The following SLC36A4 variants were observed in gnomAD, a reference collection of about 807,000 sequenced individuals.
SLC36A4 encodes solute carrier family 36 member 4, also known as neutral amino acid uniporter 4.
SLC36A4 carries 49 observed loss-of-function variants against 50.5 expected under a neutral mutation model. The ratio of observed to expected loss-of-function variants is 0.97; its 90% confidence interval spans 0.77 to 1.23. The LOEUF (loss-of-function observed/expected upper bound fraction) is 1.23. Ranked by LOEUF, SLC36A4 falls within the 50% of genes most tolerant of loss-of-function variation. The pLI is 0.00. For synonymous variants in SLC36A4, 207 were observed against 206.5 expected (o/e 1.00, Z -0.02); for missense variants, 611 against 608.4 (o/e 1.00, Z -0.05).
chr11:93,165,541 T>C (rs776362423), intron 8 of SLC36A4, among the ~76,000 whole-genome samples: 2 of 152,144 alleles, frequency 1.3e-5, no homozygotes, highest in Non-Finnish European at 2.9e-5. Flanking sequence ...ATGTGGGATA[T>C]AGATTTTTTT....
chr11:93,196,776 C>A (rs1307523284), intron 1 of SLC36A4, among the ~76,000 whole-genome samples: 1 of 152,174 alleles, frequency 6.6e-6, no homozygotes, highest in Non-Finnish European at 1.5e-5. Context: ...ATGAATGAAA[C>A]CTGAGTTCAC....
At chr11:93,154,391 C>A in intron 9 of SLC36A4, 114 bp from the exon 10 acceptor site, 1 of 462,894 alleles carries the variant, frequency 2.2e-6, no homozygotes, top group African/African-American at 2.0e-5. Context: ...AGGCCAGAAC[C>A]TTACTAACTA....
At chr11:93,193,598 G>A (rs1445311311) in intron 1 of SLC36A4, among the ~76,000 whole-genome samples, 1 of 152,108 alleles carries the variant, frequency 6.6e-6, no homozygotes, top group Non-Finnish European at 1.5e-5. Flanking sequence ...TATATCTGAT[G>A]TTAGGTGTAT....
chr11:93,192,369 G>A (rs918466503), intron 1 of SLC36A4, among the ~76,000 whole-genome samples: 9 of 152,156 alleles, frequency 5.9e-5, no homozygotes, highest in African/African-American at 2.2e-4. Flanking sequence ...TAGCCAGAGA[G>A]GAATGAGTGC....
intron 6 of SLC36A4, chr11:93,171,593 A>T (rs1357201220): frequency 6.6e-6 from 1 of 152,120 alleles, no homozygotes; most frequent in African/African-American, 2.4e-5. Flanking sequence ...ATATAAAATT[A>T]TAAGGCATTA....
At chr11:93,178,251 G>C (rs1004874185) in intron 6 of SLC36A4, among the ~76,000 whole-genome samples, 12 of 152,144 alleles carry the variant, frequency 7.9e-5, no homozygotes, top group Admixed American at 6.5e-4. Context: ...TTGGAAAAGC[G>C]CATTATTAGG....
Position 93,154,096 on chromosome 11 carries a change from A to G in SLC36A4, c.1207+12T>C, listed in dbSNP as rs191011114. On this transcript the variant is annotated intron_variant, in intron 10 of 10. Transcript: ENST00000326402. ...AAAAATTATTATGATATAAATATAT[A>G]ATGATACTTACAAGTAATACTAACC... 324 of 1,286,214 alleles carry G rather than the reference A, an allele frequency of 2.5e-4. 1 individual carries two copies. In the African/African-American group the frequency reaches 4.5e-3, roughly 18 times the overall value. 79.7% of individuals were successfully genotyped at this position (1,286,214 alleles called of 1,614,324 possible). A position where few individuals can be genotyped will look rare whatever the true frequency, so the allele number is the denominator to read the frequency against.
At chr11:93,164,433 C>T (rs1166996037) in intron 8 of SLC36A4, among the ~76,000 whole-genome samples, 1 of 152,160 alleles carries the variant, frequency 6.6e-6, no homozygotes, top group Non-Finnish European at 1.5e-5. Flanking sequence ...CAAGTATTTA[C>T]TGGAGTGTTT....
chr11:93,160,918 G>C, intron 9 of SLC36A4: 1 of 281,680 alleles, frequency 3.6e-6, no homozygotes, highest in South Asian at 1.4e-4. Context: ...ACAGCTCACT[G>C]TATAATCAAC....
At chr11:93,161,457 A>G (rs1178913584) in intron 9 of SLC36A4, among the ~76,000 whole-genome samples, 1 of 152,244 alleles carries the variant, frequency 6.6e-6, no homozygotes, top group Non-Finnish European at 1.5e-5. Context: ...ATTTAAAAAT[A>G]CAGACACACC....
At chr11:93,149,862 T>C (rs1237531498) in intron 10 of SLC36A4, among the ~76,000 whole-genome samples, 1 of 152,022 alleles carries the variant, frequency 6.6e-6, no homozygotes, top group East Asian at 1.9e-4. Flanking sequence ...TTTTAATAAC[T>C]GTACTGTGAT....
At chr11:93,179,868 C>A (rs1861659054) in intron 6 of SLC36A4, among the ~76,000 whole-genome samples, 1 of 152,132 alleles carries the variant, frequency 6.6e-6, no homozygotes, top group African/African-American at 2.4e-5. Context: ...CAACAGAGAC[C>A]ATATGGCCTG....
rs1861701323 is a variant in SLC36A4 at position 93,180,847 on chromosome 11, G to A, written c.490C>T (p.Leu164=). The change falls in exon 6 of 11, where the codon CTG becomes TTG. Residue 164 remains leucine, a synonymous_variant. Transcript: ENST00000326402. ...VVDFFLVITQ[L]GFCSVYIVFL... ...ACAATATAAACACTACAGAATCCCA[G>A]CTGTGTTATCACCAGAAAAAAGTCA... 6.2e-7 allele frequency: 1 copy of A among 1,612,784 alleles called. No individual in the cohort carries two copies. The highest frequency in any genetic ancestry group is 1.3e-5 in the African/African-American group (1 of 74,836).
At chr11:93,181,157 T>A (rs182620888) in intron 5 of SLC36A4, among the ~76,000 whole-genome samples, 3 of 152,066 alleles carry the variant, frequency 2.0e-5, no homozygotes, top group African/African-American at 7.2e-5. Context: ...TGACTGCTTA[T>A]GCTTCCTTAT....
chr11:93,165,310 G>A (rs986492110), intron 8 of SLC36A4, among the ~76,000 whole-genome samples: 1 of 152,052 alleles, frequency 6.6e-6, no homozygotes, highest in Non-Finnish European at 1.5e-5. Flanking sequence ...AAATAAACTG[G>A]GAGCTACCTG....
At chr11:93,182,172 C>T (rs3957618) in intron 4 of SLC36A4, 37,911 of 230,074 alleles carry the variant, frequency 0.16, 3,667 homozygotes, top group East Asian at 0.41. Context: ...CAAGGCTGCA[C>T]AATACATTTT....
At chr11:93,151,744 G>C (rs1860095287) in intron 10 of SLC36A4, among the ~76,000 whole-genome samples, 1 of 151,928 alleles carries the variant, frequency 6.6e-6, no homozygotes, top group Non-Finnish European at 1.5e-5. Context: ...ACAGTAGAAG[G>C]ATCAACAAAT....
intron 8 of SLC36A4, among the ~76,000 whole-genome samples, chr11:93,165,223 A>G (rs1860808477): frequency 6.6e-6 from 1 of 152,154 alleles, no homozygotes; most frequent in Non-Finnish European, 1.5e-5. Context: ...CCAGATCATC[A>G]GACTATGAAA....
intron 9 of SLC36A4, chr11:93,160,158 C>A (rs1860554023): frequency 1.0e-6 from 1 of 985,386 alleles, no homozygotes; most frequent in Non-Finnish European, 1.2e-6. Context: ...AGCAACTCTT[C>A]TCTTGTATTC....
Sources: gnomAD v4.1 joint callset for allele counts (sites outside exome capture counted in the v4.1 genomes callset) on GRCh38, gnomAD v4.1.1 for gene constraint, MANE v1.5 for transcripts, NCBI Gene and HGNC (gene_info 2026-07-23, HGNC 2026-07-21) for gene names.